GNG7: variants seen among roughly 807,000 people sequenced by gnomAD.
GNG7 encodes the protein guanine nucleotide-binding protein G(I)/G(S)/G(O) subunit gamma-7.
A neutral mutation model predicts 4.0 loss-of-function variants in GNG7; 1 was observed. The observed-to-expected ratio is 0.25, with a 90% CI of 0.09 to 1.18. GNG7 has a LOEUF of 1.18. GNG7 is among the 50% of genes most tolerant of loss of function. The probability of loss-of-function intolerance (pLI) is 0.50; values close to 1 mark genes in which losing one functional copy is unlikely to be tolerated. For missense variants in GNG7, 86 were observed against 91.9 expected (o/e 0.94, Z 0.26); for synonymous variants, 34 against 36.9 (o/e 0.92, Z 0.29).
chr19:2,554,439 G>A (rs13345020), intron 3 of GNG7, among the ~76,000 whole-genome samples: 33,078 of 149,610 alleles, frequency 0.22, 3,712 homozygotes, highest in East Asian at 0.25. Context: ...GAACTCCTGG[G>A]TTCAAGCAAT....
At chr19:2,675,259 C>A (rs1983565393) in intron 1 of GNG7, among the ~76,000 whole-genome samples, 1 of 152,162 alleles carries the variant, frequency 6.6e-6, no homozygotes, top group Admixed American at 6.6e-5. Context: ...CTCTCTGCAA[C>A]GGTGGACGAC....
chr19:2,666,101 G>A (rs1024369508), intron 1 of GNG7, among the ~76,000 whole-genome samples: 1 of 152,118 alleles, frequency 6.6e-6, no homozygotes, highest in African/African-American at 2.4e-5. Context: ...CCTGACCTCA[G>A]GTGATCTGCC....
chr19:2,655,415 A>G (rs1490675265), intron 1 of GNG7, among the ~76,000 whole-genome samples: 1 of 152,092 alleles, frequency 6.6e-6, no homozygotes, highest in African/African-American at 2.4e-5. Context: ...AAAAGATAAA[A>G]AACATTAGTA....
chr19:2,511,842 A>AC lies in GNG7; in HGVS notation c.*3179dup. 1.0e-6 allele frequency: 1 copy of AC among 986,002 alleles called. No homozygotes were observed. Among genetic ancestry groups the AC allele is most frequent in the Non-Finnish European group, 1.2e-6 (1 of 830,066 alleles). 61.1% of individuals were successfully genotyped at this position (986,002 alleles called of 1,614,324 possible). ...AGCTATCTGTGCTTGGCCTGGGGTT[A>AC]CCCCTGGGGAGGGTGGGAGAGGGGT... On this transcript the variant is annotated 3_prime_UTR_variant, in exon 5 of 5. Coordinates refer to ENST00000382159, the MANE Select transcript of GNG7 (RefSeq NM_052847.3). The surrounding 1 kb of genome is among the most constrained non-coding windows in gnomAD (Gnocchi z 6.3).
intron 1 of GNG7, chr19:2,701,234 C>T (rs984341364): frequency 2.0e-5 from 3 of 151,990 alleles, no homozygotes; most frequent in Admixed American, 2.0e-4. Flanking sequence ...ATTAACATCT[C>T]CCCCAAAAGT....
At chr19:2,566,874 A>C (rs566202649) in intron 2 of GNG7, among the ~76,000 whole-genome samples, 1 of 152,222 alleles carries the variant, frequency 6.6e-6, no homozygotes, top group South Asian at 2.1e-4. Context: ...AGGCCGAGGC[A>C]GGCGGATCAT....
intron 1 of GNG7, 31 bp from the exon 2 acceptor site, chr19:2,646,311 T>A (rs1163310734): frequency 1.3e-5 from 2 of 151,924 alleles, no homozygotes; most frequent in African/African-American, 4.8e-5. Flanking sequence ...TAGTTTGGCG[T>A]GGCTTGGCTG....
chr19:2,636,662 G>A (rs949190440), intron 2 of GNG7, among the ~76,000 whole-genome samples: 2 of 152,144 alleles, frequency 1.3e-5, no homozygotes, highest in Non-Finnish European at 2.9e-5. Context: ...CAACACCCAG[G>A]GACCGCCTCT....
At chr19:2,640,025 G>A (rs1350338851) in intron 2 of GNG7, among the ~76,000 whole-genome samples, 2 of 87,022 alleles carry the variant, frequency 2.3e-5, no homozygotes, top group Non-Finnish European at 4.8e-5. Flanking sequence ...GGAGGGGGAG[G>A]GAGGAAGGGA....
At chr19:2,536,418 CAAAAA>C (rs112605115) in intron 3 of GNG7, among the ~76,000 whole-genome samples, 1 of 131,944 alleles carries the variant, frequency 7.6e-6, no homozygotes, top group Non-Finnish European at 1.6e-5. Context: ...AACTCCATCT[CAAAAA>C]AAAAAAGAAA....
rs1457059147 is a variant in GNG7 at position 2,546,340 on chromosome 19, G to T, written c.-38+8809C>A. Among the ~76,000 whole-genome samples, 2 of 152,246 alleles carry T rather than the reference G, an allele frequency of 1.3e-5. No individual in the cohort carries two copies. The highest frequency in any genetic ancestry group is 1.5e-5 in the Non-Finnish European group (1 of 68,042). ...TCTCCAGGGCCAGGTCGCCCAGCAG[G>T]GCCTGGGAGGGCGGCTGTGTGTGGG... On this transcript the variant is annotated intron_variant, in intron 3 of 4. Coordinates refer to ENST00000382159, the MANE Select transcript of GNG7 (RefSeq NM_052847.3). This position sits in a 1 kb window ranked among gnomAD's most constrained non-coding sequence, Gnocchi z 6.3.
At chr19:2,688,120 G>A (rs751282821) in intron 1 of GNG7, among the ~76,000 whole-genome samples, 4 of 152,180 alleles carry the variant, frequency 2.6e-5, no homozygotes, top group African/African-American at 4.8e-5. Context: ...GGGCATGGTG[G>A]CGGGTGCCTG....
In GNG7 at chr19:2,511,895, G is replaced by A. The variant is rs1459648051; in HGVS notation, c.*3127C>T. ...GGGTTCTGGCTCCTTCCTGGAGAGA[G>A]GAGGGCAGGGGAGGCGGAGCTGGTC... On this transcript the variant is annotated 3_prime_UTR_variant, in exon 5 of 5. Coordinates refer to ENST00000382159, the MANE Select transcript of GNG7 (RefSeq NM_052847.3). The surrounding 1 kb of genome is among the most constrained non-coding windows in gnomAD (Gnocchi z 6.3). 1 of 986,212 alleles carries A rather than the reference G, an allele frequency of 1.0e-6. No homozygotes were observed. The highest frequency in any genetic ancestry group is 6.1e-5 in the Admixed American group (1 of 16,268). The allele number at this position is 986,212 out of a possible 1,614,324, so 61.1% of individuals were successfully genotyped here.
intron 1 of GNG7, among the ~76,000 whole-genome samples, chr19:2,697,624 C>T (rs937947757): frequency 5.3e-5 from 8 of 152,236 alleles, no homozygotes; most frequent in African/African-American, 1.9e-4. Context: ...AGGCGCCCGA[C>T]ATCAACAAGG....
chr19:2,685,061 T>G (rs1186543586), intron 1 of GNG7, among the ~76,000 whole-genome samples: 1 of 150,328 alleles, frequency 6.7e-6, no homozygotes, highest in Non-Finnish European at 1.5e-5. Flanking sequence ...GAGGCAGAGG[T>G]TGCAGTGAGC....
In GNG7 at chr19:2,557,175, T is replaced by C. The variant is rs1271096401; in HGVS notation, c.-77-1987A>G. On this transcript the variant is annotated intron_variant, in intron 2 of 4. Coordinates refer to ENST00000382159, the MANE Select transcript of GNG7 (RefSeq NM_052847.3). The surrounding 1 kb of genome is among the most constrained non-coding windows in gnomAD (Gnocchi z 5.1). ...GCACACAAAGACACGCGCACACACGTACACACAAGACACGTGCACACACAT... is the reference window on the plus strand; with the variant it reads ...GCACACAAAGACACGCGCACACACGCACACACAAGACACGTGCACACACAT... Among the ~76,000 whole-genome samples, 2 of 148,210 alleles carry C rather than the reference T, an allele frequency of 1.3e-5. No homozygotes were observed. The highest frequency in any genetic ancestry group is 5.1e-5 in the African/African-American group (2 of 39,362).
At chr19:2,579,307 C>T (rs531623729) in intron 2 of GNG7, among the ~76,000 whole-genome samples, 14 of 152,372 alleles carry the variant, frequency 9.2e-5, no homozygotes, top group Admixed American at 2.6e-4. Flanking sequence ...GGCTGGCTCC[C>T]GTCCGGGTCT....
At chr19:2,678,267 TG>T (rs920797146) in intron 1 of GNG7, among the ~76,000 whole-genome samples, 4 of 151,968 alleles carry the variant, frequency 2.6e-5, no homozygotes, top group African/African-American at 9.7e-5. Flanking sequence ...AAGTAAAACC[TG>T]GGGGGAGCGA....
At position 2,513,520 on chromosome 19, in the gene GNG7, C is replaced by T. The variant is rs989083198; in HGVS notation, c.*1502G>A. ...GCAGTCATCTTTCAGAAGCCTCCCC[C>T]CGACCCCATGACATCTTCGATTTCC... On this transcript the variant is annotated 3_prime_UTR_variant, in exon 5 of 5. Coordinates refer to ENST00000382159, the MANE Select transcript of GNG7 (RefSeq NM_052847.3). 3.0e-6 allele frequency: 3 copies of T among 985,528 alleles called. No homozygotes were observed. In the Admixed American group the frequency reaches 1.8e-4, roughly 61 times the overall value. 61.0% of individuals were successfully genotyped at this position (985,528 alleles called of 1,614,324 possible). A position where few individuals can be genotyped will look rare whatever the true frequency, so the allele number is the denominator to read the frequency against.
Sources: allele counts gnomAD v4.1 joint callset (sites outside exome capture counted in the v4.1 genomes callset), GRCh38; gene constraint gnomAD v4.1.1; non-coding constraint Gnocchi (gnomAD v3.1); transcripts MANE v1.5; gene names NCBI Gene and HGNC (gene_info 2026-07-23, HGNC 2026-07-21).